Variants in CEP95 observed in about 807,000 individuals in gnomAD.
CEP95 encodes centrosomal protein of 95 kDa.
A neutral mutation model predicts 111.2 loss-of-function variants in CEP95; 98 were observed. The ratio of observed to expected loss-of-function variants is 0.88; its 90% CI spans 0.75 to 1.04. CEP95 has a LOEUF of 1.04. Among genes scored for constraint, CEP95 ranks in the 50% least tolerant of loss-of-function variants. CEP95 has a pLI of 0.00. For missense variants in CEP95, 1,027 were observed against 977.2 expected (o/e 1.05, Z -0.68); for synonymous variants, 323 against 327.1 (o/e 0.99, Z 0.14).
intron 2 of CEP95, among the ~76,000 whole-genome samples, chr17:64,509,963 AT>A (rs2144332848): frequency 6.6e-6 from 1 of 152,274 alleles, no homozygotes; most frequent in Admixed American, 6.5e-5. Context: ...TCTAATATTG[AT>A]AAATCGGTTC....
chr17:64,519,486 A>G (rs1181557818), intron 6 of CEP95, 50 bp downstream of exon 6: 1 of 1,343,334 alleles, frequency 7.4e-7, no homozygotes, highest in African/African-American at 1.4e-5. Flanking sequence ...TACAACTATA[A>G]AAATGTAAAT....
Position 64,537,788 on chromosome 17 carries a change from T to C in CEP95, c.*9T>C. On this transcript the variant is annotated 3_prime_UTR_variant, in exon 20 of 20. Coordinates refer to ENST00000556440, the MANE Select transcript of CEP95 (RefSeq NM_138363.3). ...AAAGTCCCTCCCTATGAGGCCAGACTTGATAATAGTAGGTGAAGGTTCTGG... is the reference window on the plus strand; with the variant it reads ...AAAGTCCCTCCCTATGAGGCCAGACCTGATAATAGTAGGTGAAGGTTCTGG... 1 of 1,548,418 alleles carries C rather than the reference T, an allele frequency of 6.5e-7. No homozygotes were observed.
Position 64,514,332 on chromosome 17 carries a change from G to A in CEP95, c.341G>A (p.Arg114His), listed in dbSNP as rs782643366. ...GGTTTGTTGGAGTATCTTACAGAAC[G>A]CATCAGTGAAACATCTCATGAGAAA... ...FDGLLEYLTERISETSHEKSE... is the reference protein window; with the variant it reads ...FDGLLEYLTEHISETSHEKSE... The change falls in exon 4 of 20, where the codon CGC (arginine) becomes CAC (histidine). Residue 114 changes from arginine (R) to histidine (H), a missense_variant. Coordinates refer to ENST00000556440, the MANE Select transcript of CEP95 (RefSeq NM_138363.3). The A allele has an allele frequency of 4.0e-6, 6 of 1,514,506 alleles. No individual in the cohort carries two copies. The highest frequency in any genetic ancestry group is 5.4e-6 in the Non-Finnish European group (6 of 1,113,690). 93.8% of individuals were successfully genotyped at this position (1,514,506 alleles called of 1,614,324 possible).
In CEP95 at chr17:64,529,266, A is replaced by G. The variant is rs782126849; in HGVS notation, c.1307-22A>G. The G allele has an allele frequency of 7.5e-6, 12 of 1,598,916 alleles. No homozygotes were observed. The East Asian group carries it at 1.8e-4, about 24-fold the overall frequency. On this transcript the variant is annotated intron_variant, in intron 11 of 19. Transcript: ENST00000556440. Reference sequence around the variant, plus strand: ...ATTCTGGCTATCAGGAACTAATGTTATATGTCTTTTCTCTGTTGCAGGACT... The same window carrying G: ...ATTCTGGCTATCAGGAACTAATGTTGTATGTCTTTTCTCTGTTGCAGGACT...
At chr17:64,507,922 C>T in intron 1 of CEP95, 1 of 985,292 alleles carries the variant, frequency 1.0e-6, no homozygotes, top group Non-Finnish European at 1.2e-6. Flanking sequence ...CAAATCCCAG[C>T]AATATCTAGG....
chr17:64,523,087 G>T (rs542154599), intron 8 of CEP95, among the ~76,000 whole-genome samples, 192 bp downstream of exon 8: 1 of 152,120 alleles, frequency 6.6e-6, no homozygotes, highest in Non-Finnish European at 1.5e-5. Context: ...TCAAAGCATC[G>T]TACTCCTTAA....
chr17:64,534,344 C>CA, intron 16 of CEP95: 1 of 398,444 alleles, frequency 2.5e-6, no homozygotes, highest in Non-Finnish European at 4.5e-6. Flanking sequence ...AGTGAGCCCT[C>CA]AGTTCCACAG....
intron 3 of CEP95, 53 bp from the exon 4 acceptor site, chr17:64,514,195 A>C (rs1555675781): frequency 1.4e-6 from 1 of 710,918 alleles, no homozygotes. Context: ...AAGATTATGA[A>C]GCTTTCAGAT....
At position 64,507,053 on chromosome 17, in the gene CEP95, C is replaced by T. The variant is rs1555673135; in HGVS notation, c.-45C>T. 10 of 1,550,476 alleles carry T rather than the reference C, an allele frequency of 6.4e-6. 1 individual carries two copies. In the South Asian group the frequency reaches 9.5e-5, roughly 15 times the overall value. ...GATCGGTCCTTCCAGGACACCGTCGCCTTCCCGGCCGCGTCGGAGTCCGGC... is the reference window on the plus strand; with the variant it reads ...GATCGGTCCTTCCAGGACACCGTCGTCTTCCCGGCCGCGTCGGAGTCCGGC... On this transcript the variant is annotated 5_prime_UTR_variant, in exon 1 of 20. Transcript: ENST00000556440.
chr17:64,522,682 A>C lies in CEP95; in HGVS notation c.716-20A>C, dbSNP rs782116839. 1.2e-5 allele frequency: 19 copies of C among 1,591,330 alleles called. No homozygotes were observed. The highest frequency in any genetic ancestry group is 1.6e-5 in the Non-Finnish European group (19 of 1,162,742). Reference sequence around the variant, plus strand: ...TTCTTAGAATTGCATCGTAATATCCACTTTAATTTGTCTTACTAGCGGAAA... The same window carrying C: ...TTCTTAGAATTGCATCGTAATATCCCCTTTAATTTGTCTTACTAGCGGAAA... On this transcript the variant is annotated intron_variant, in intron 7 of 19. Transcript: ENST00000556440.
rs560404368 is a variant in CEP95 at position 64,537,852 on chromosome 17, A to G, written c.*73A>G. The G allele has an allele frequency of 3.5e-6, 3 of 866,138 alleles. No homozygotes were observed. The East Asian group carries it at 8.8e-5, about 25-fold the overall frequency. The allele number at this position is 866,138 out of a possible 1,614,324, so 53.7% of individuals were successfully genotyped here. A position where few individuals can be genotyped will look rare whatever the true frequency, so the allele number is the denominator to read the frequency against. The stretch of plus-strand genomic sequence containing the variant: ...GACAGAGCTAGAATCGAGCCAGTAA[A>G]CAGTCTAAGCCAGAAAAATAATTTT... On this transcript the variant is annotated 3_prime_UTR_variant, in exon 20 of 20. Coordinates refer to ENST00000556440, the MANE Select transcript of CEP95 (RefSeq NM_138363.3).
At chr17:64,507,330 A>G (rs868928199) in intron 1 of CEP95, 88 of 1,436,204 alleles carry the variant, frequency 6.1e-5, no homozygotes, top group Middle Eastern at 2.6e-4. Context: ...GGAGAGAGAG[A>G]GGCACTGGGG....
rs1236015914 is a variant in CEP95, at chr17:64,529,328, G to A, written c.1347G>A (p.Ser449=). 7 of 1,613,460 alleles carry A rather than the reference G, an allele frequency of 4.3e-6. No homozygotes were observed. The highest frequency in any genetic ancestry group is 5.9e-6 in the Non-Finnish European group (7 of 1,179,754). The change falls in exon 12 of 20, where the codon TCG becomes TCA. Residue 449 remains serine (S), a synonymous_variant. Coordinates refer to ENST00000556440, the MANE Select transcript of CEP95 (RefSeq NM_138363.3). ...GAAAGCCACCCTACAGATCCCATTC[G>A]CTCTCTCCATCTCCAGTTAACAAAC... is the stretch of plus-strand genomic sequence containing the variant. ...MRRKPPYRSH[S]LSPSPVNKHK...
intron 16 of CEP95, 65 bp from the exon 17 acceptor site, chr17:64,534,520 A>G: frequency 4.9e-6 from 7 of 1,431,838 alleles, no homozygotes; most frequent in Non-Finnish European, 6.8e-6. Flanking sequence ...GAGGCAGATG[A>G]GAACGCTGGA....
rs781885585 is a variant in CEP95 at position 64,526,141 on chromosome 17, G to GA, written c.1095dup (p.Gln366ThrfsTer5). 697 of 1,613,514 alleles carry GA rather than the reference G, an allele frequency of 4.3e-4. No individual in the cohort carries two copies. The highest frequency in any genetic ancestry group is 5.4e-4 in the Non-Finnish European group (640 of 1,179,738). On this transcript the variant is annotated frameshift_variant, in exon 10 of 20. Transcript: ENST00000556440. LOFTEE classifies it high-confidence loss of function. ...CCAGAGGCCAAGAAAGAGATTAACA[G>GA]AACAAGAATTACATGATGTATCAGA...
chr17:64,522,462 C>T (rs1390208650), intron 7 of CEP95, among the ~76,000 whole-genome samples: 6 of 151,314 alleles, frequency 4.0e-5, no homozygotes, highest in Non-Finnish European at 7.4e-5. Flanking sequence ...GGCAACATAG[C>T]GAGACCTCAT....
intron 8 of CEP95, among the ~76,000 whole-genome samples, chr17:64,523,149 A>G (rs1555678399): frequency 2.0e-5 from 3 of 152,208 alleles, no homozygotes; most frequent in African/African-American, 7.2e-5. Context: ...GATAGGAGAA[A>G]AACGAATGCA....
intron 1 of CEP95, chr17:64,507,960 C>T (rs2038660346): frequency 3.0e-6 from 3 of 985,226 alleles, no homozygotes; most frequent in East Asian, 1.1e-4. Flanking sequence ...ACGCAGGAAA[C>T]GTCAACAGTA....
chr17:64,521,974 A>T (rs978653746), intron 7 of CEP95, among the ~76,000 whole-genome samples: 1 of 152,096 alleles, frequency 6.6e-6, no homozygotes, highest in Non-Finnish European at 1.5e-5. Context: ...CTCCTGCCTC[A>T]GCCTCCCAAG....
Sources: allele counts gnomAD v4.1 joint callset (sites outside exome capture counted in the v4.1 genomes callset), GRCh38; gene constraint gnomAD v4.1.1; transcripts MANE v1.5; gene names NCBI Gene and HGNC (gene_info 2026-07-23, HGNC 2026-07-21).